SHANK1: variants seen among roughly 807,000 people sequenced by gnomAD.
SHANK1 encodes SH3 and multiple ankyrin repeat domains 1.
In SHANK1, 35 loss-of-function variants were observed where a neutral mutation model predicts 165.6. The observed-to-expected ratio is 0.21, with a 90% confidence interval of 0.16 to 0.28. SHANK1 has a LOEUF of 0.28. Among genes scored for constraint, SHANK1 ranks in the 10% least tolerant of loss-of-function variants. SHANK1 has a pLI of 1.00. For synonymous variants in SHANK1, 1,428 were observed against 1,384.8 expected, an observed-to-expected ratio of 1.03 and a Z score of -0.69; for missense variants, 2,681 against 3,036.4, an observed-to-expected ratio of 0.88 and a Z score of 2.75.
chr19:50,676,170 G>C (rs922903395), intron 21 of SHANK1, among the ~76,000 whole-genome samples: 1 of 151,608 alleles, frequency 6.6e-6, no homozygotes, highest in African/African-American at 2.4e-5. Flanking sequence ...GTGCATGGTG[G>C]CATGTGCCTG....
Position 50,661,935 on chromosome 19 carries a change from T to C in SHANK1, c.*30A>G, listed in dbSNP as rs746727158. 4.3e-6 allele frequency: 7 copies of C among 1,611,922 alleles called. No homozygotes were observed. Among genetic ancestry groups the C allele is most frequent in the South Asian group, 2.2e-5 (2 of 90,994 alleles). ...GAGGCCAGCAGGCTCAAGAGTTCTG[T>C]GGACGGGGCTGGTCCGTCCAGGCCA... On this transcript the variant is annotated 3_prime_UTR_variant, in exon 24 of 24. Coordinates refer to ENST00000293441, the MANE Select transcript of SHANK1 (RefSeq NM_016148.5).
chr19:50,697,550 G>T lies in SHANK1; in HGVS notation c.1937+39C>A. 1 of 1,456,056 alleles carries T rather than the reference G, an allele frequency of 6.9e-7. No individual in the cohort carries two copies. Among genetic ancestry groups the T allele is most frequent in the Non-Finnish European group, 9.7e-7 (1 of 1,036,066 alleles). The allele number at this position is 1,456,056 out of a possible 1,614,324, so 90.2% of individuals were successfully genotyped here. ...AAGGTGTACATTGTGAAGGGAACTTGGGGTGAGGGGGGTTGCCCGAGGGTG... is the reference window on the plus strand; with the variant it reads ...AAGGTGTACATTGTGAAGGGAACTTTGGGTGAGGGGGGTTGCCCGAGGGTG... On this transcript the variant is annotated intron_variant, in intron 14 of 23. Transcript: ENST00000293441. The surrounding 1 kb of genome is among the most constrained non-coding windows in gnomAD (Gnocchi z 4.7).
rs1445814405 is a variant in SHANK1, at chr19:50,716,225, G to A, written c.459+50C>T. On this transcript the variant is annotated intron_variant, in intron 3 of 23. Transcript: ENST00000293441. This position sits in a 1 kb window ranked among gnomAD's most constrained non-coding sequence, Gnocchi z 8.4. Reference sequence around the variant, plus strand: ...TAAAAAGTGGGTGGGGGGCAGATGTGTTTTAGGGCATGCCTTCTCTTATCA... The same window carrying A: ...TAAAAAGTGGGTGGGGGGCAGATGTATTTTAGGGCATGCCTTCTCTTATCA... The A allele has an allele frequency of 1.3e-6, 2 of 1,573,694 alleles. No homozygotes were observed. Among genetic ancestry groups the A allele is most frequent in the Admixed American group, 1.7e-5 (1 of 59,822 alleles).
In SHANK1 at chr19:50,667,381, C is replaced by T; in HGVS notation, c.4579G>A (p.Val1527Met). 1.3e-6 allele frequency: 2 copies of T among 1,530,102 alleles called. No homozygotes were observed. Among genetic ancestry groups the T allele is most frequent in the South Asian group, 2.5e-5 (2 of 79,564 alleles). The allele number at this position is 1,530,102 out of a possible 1,614,324, so 94.8% of individuals were successfully genotyped here. ...GVPPPSPRRS[V>M]PPSPTSPRAS... is the part of the protein sequence containing the mutation. ...CTCGGGGAGGTCGGGGAGGGGGGCA[C>T]GGACCGGCGTGGGCTGGGCGGCGGG... Residue 1527 changes from valine (V) to methionine (M), a missense_variant, in exon 23 of 24, where the codon GTG (valine) becomes ATG (methionine). Coordinates refer to ENST00000293441, the MANE Select transcript of SHANK1 (RefSeq NM_016148.5). This position sits in a 1 kb window ranked among gnomAD's most constrained non-coding sequence, Gnocchi z 5.7.
At chr19:50,669,350 C>T in intron 22 of SHANK1, 65 bp from the exon 23 acceptor site, 1 of 1,087,932 alleles carries the variant, frequency 9.2e-7, no homozygotes, top group Non-Finnish European at 1.4e-6. Flanking sequence ...CTCCACTATC[C>T]CATAGAACCG....
At chr19:50,695,266 CGGGGCGCGGGGTCGG>C (rs1279161613) in intron 15 of SHANK1, among the ~76,000 whole-genome samples, 1 of 143,192 alleles carries the variant, frequency 7.0e-6, no homozygotes, top group Non-Finnish European at 1.5e-5. Flanking sequence ...CGCGGGGGCG[CGGGGCGCGGGGTCGG>C]GCCGCGGCGG....
chr19:50,697,764 C>T lies in SHANK1; in HGVS notation c.1861+79G>A, dbSNP rs1986787721. The T allele has an allele frequency of 5.3e-6, 8 of 1,511,000 alleles. No homozygotes were observed. The highest frequency in any genetic ancestry group is 6.4e-6 in the Non-Finnish European group (7 of 1,088,148). The allele number at this position is 1,511,000 out of a possible 1,614,324, so 93.6% of individuals were successfully genotyped here. A position where few individuals can be genotyped will look rare whatever the true frequency, so the allele number is the denominator to read the frequency against. ...AGTCTTCCCATCTACCTCCCAGTAC[C>T]CCACCCCCATTAGGAAGGGAAAGGA... On this transcript the variant is annotated intron_variant, in intron 13 of 23. Coordinates refer to ENST00000293441, the MANE Select transcript of SHANK1 (RefSeq NM_016148.5). This position sits in a 1 kb window ranked among gnomAD's most constrained non-coding sequence, Gnocchi z 4.7.
intron 23 of SHANK1, among the ~76,000 whole-genome samples, chr19:50,664,053 C>T (rs1181311023): frequency 3.3e-5 from 5 of 151,164 alleles, no homozygotes; most frequent in Non-Finnish European, 5.9e-5. Flanking sequence ...GATCCACCCA[C>T]CTCAGCCTCC....
intron 19 of SHANK1, chr19:50,687,187 A>AC (rs1986376471): frequency 2.1e-6 from 1 of 475,460 alleles, no homozygotes; most frequent in Non-Finnish European, 3.7e-6. Flanking sequence ...GGGAAATGGG[A>AC]CCCCCAGGTC....
At position 50,667,563 on chromosome 19, in the gene SHANK1, G is replaced by A. The variant is rs1399855263; in HGVS notation, c.4397C>T (p.Pro1466Leu). The change falls in exon 23 of 24, where the codon CCC (proline) becomes CTC (leucine). Residue 1466 changes from proline (P) to leucine (L), a missense_variant. By Grantham distance (98) the Pro-to-Leu change is moderately conservative. Coordinates refer to ENST00000293441, the MANE Select transcript of SHANK1 (RefSeq NM_016148.5). The surrounding 1 kb of genome is among the most constrained non-coding windows in gnomAD (Gnocchi z 5.7). ...GCTTACTCCGGGGTGCGGGGCCGGG[G>A]GCTCCGTCCCCAGCTGCAGCAGGAG... Reference protein sequence around the residue: ...GPLLLQLGTEPPAPHPGVSKP... With the variant: ...GPLLLQLGTELPAPHPGVSKP... The A allele has an allele frequency of 7.5e-6, 11 of 1,457,388 alleles. No homozygotes were observed. The highest frequency in any genetic ancestry group is 1.4e-5 in the South Asian group (1 of 69,736). 90.3% of individuals were successfully genotyped at this position (1,457,388 alleles called of 1,614,324 possible).
At chr19:50,714,843 A>T (rs908344546) in intron 4 of SHANK1, among the ~76,000 whole-genome samples, 1 of 152,090 alleles carries the variant, frequency 6.6e-6, no homozygotes, top group Admixed American at 6.6e-5. Context: ...AGGTTATTTA[A>T]CTTTTTTTTG....
chr19:50,666,874 T>C lies in SHANK1; in HGVS notation c.5086A>G (p.Thr1696Ala). 6.3e-7 allele frequency: 1 copy of C among 1,579,592 alleles called. No individual in the cohort carries two copies. Residue 1696 changes from threonine (T) to alanine (A), a missense_variant, in exon 23 of 24, where the codon ACG becomes GCG. Transcript: ENST00000293441. ...HPLETISSAS[T>A]LSSLSAEGGG... ...CCTTCGGCAGATAGGCTGCTCAGCG[T>C]GGAGGCGCTGCTGATGGTCTCCAGT...
rs1470271207 is a variant in SHANK1, at chr19:50,713,095, G to A, written c.792+703C>T. Reference sequence around the variant, plus strand: ...GGGCTCTTCAGGAAAGCATCTGAGGGAGAGAAGGGAGGGGCCGTTTAGCTG... The same window carrying A: ...GGGCTCTTCAGGAAAGCATCTGAGGAAGAGAAGGGAGGGGCCGTTTAGCTG... On this transcript the variant is annotated intron_variant, in intron 6 of 23. Transcript: ENST00000293441. This position sits in a 1 kb window ranked among gnomAD's most constrained non-coding sequence, Gnocchi z 6.2. 1.3e-5 allele frequency among the ~76,000 whole-genome samples: 2 copies of A among 152,274 alleles called. No individual in the cohort carries two copies. The highest frequency in any genetic ancestry group is 3.4e-3 in the Middle Eastern group (1 of 294).
In SHANK1 at chr19:50,667,160, G is replaced by A; in HGVS notation, c.4800C>T (p.Thr1600=). Residue 1600 remains threonine, a synonymous_variant, in exon 23 of 24, where the codon ACC becomes ACT. Transcript: ENST00000293441. This position sits in a 1 kb window ranked among gnomAD's most constrained non-coding sequence, Gnocchi z 5.7. ...CCGGGGGTGGCACAGGGGGTAACGG[G>A]GTGGCAGGGGCAGGTGTGTCGGGCA... The part of the protein sequence containing the change: ...HPLPDTPAPA[T]PLPPVPPPAV... The A allele has an allele frequency of 6.4e-7, 1 of 1,558,878 alleles. No individual in the cohort carries two copies. Among genetic ancestry groups the A allele is most frequent in the Non-Finnish European group, 8.6e-7 (1 of 1,158,874 alleles).
chr19:50,703,872 GA>G, intron 10 of SHANK1, 42 bp from the exon 11 acceptor site: 1 of 908,170 alleles, frequency 1.1e-6, no homozygotes, highest in Non-Finnish European at 1.6e-6. Flanking sequence ...TGTTAGGGGA[GA>G]AAAGGCAAGC....
intron 21 of SHANK1, among the ~76,000 whole-genome samples, chr19:50,681,035 AC>A (rs1010083356): frequency 1.3e-5 from 2 of 151,370 alleles, no homozygotes; most frequent in African/African-American, 2.4e-5. Context: ...GGGGTACTGC[AC>A]CCCCCACCCC....
rs148526987 is a variant in SHANK1, at chr19:50,702,575, G to A, written c.1639C>T (p.Arg547Trp). 39 of 1,609,644 alleles carry A rather than the reference G, an allele frequency of 2.4e-5. No individual in the cohort carries two copies. Among genetic ancestry groups the A allele is most frequent in the South Asian group, 2.2e-5 (2 of 90,576 alleles). The stretch of plus-strand genomic sequence containing the variant: ...GGTACCGCTGAGTAGAGCTTCCTCC[G>A]CCTCCCGCGGCTGCCCAGGGAGCCC... ...PGGSLGSRGR[R>W]RKLYSAVPGR... Residue 547 changes from arginine to tryptophan, a missense_variant, in exon 12 of 24, where the codon CGG becomes TGG. Physicochemically the swap from Arg to Trp is moderately radical, Grantham distance 101 (BLOSUM62 -3). This residue lies in a region of SHANK1 where 195 missense variants were observed against 186.2 expected (regional missense o/e 1.05). Transcript: ENST00000293441. The surrounding 1 kb of genome is among the most constrained non-coding windows in gnomAD (Gnocchi z 5.3).
At position 50,662,180 on chromosome 19, in the gene SHANK1, C is replaced by T. The variant is rs148157051; in HGVS notation, c.6271G>A (p.Gly2091Ser). Residue 2091 changes from glycine (G) to serine (S), a missense_variant, in exon 24 of 24, where the codon GGC becomes AGC. By Grantham distance (56) the Gly-to-Ser change is moderately conservative (BLOSUM62 0). Coordinates refer to ENST00000293441, the MANE Select transcript of SHANK1 (RefSeq NM_016148.5). The surrounding 1 kb of genome is among the most constrained non-coding windows in gnomAD (Gnocchi z 7.7). ...LLSLPPDKPF[G>S]AKPLGFWTKF... ...GTCCAGAACCCCAGAGGTTTAGCGCCAAACGGCTTGTCCGGGGGCAGCGAG... is the reference window on the plus strand; with the variant it reads ...GTCCAGAACCCCAGAGGTTTAGCGCTAAACGGCTTGTCCGGGGGCAGCGAG... 6.2e-7 allele frequency: 1 copy of T among 1,610,602 alleles called. No homozygotes were observed. Among genetic ancestry groups the T allele is most frequent in the Non-Finnish European group, 8.5e-7 (1 of 1,177,260 alleles).
At position 50,688,461 on chromosome 19, in the gene SHANK1, G is replaced by A. The variant is rs1170452316; in HGVS notation, c.2172+383C>T. Among the ~76,000 whole-genome samples, 1 of 152,140 alleles carries A rather than the reference G, an allele frequency of 6.6e-6. No homozygotes were observed. The highest frequency in any genetic ancestry group is 2.4e-5 in the African/African-American group (1 of 41,420). On this transcript the variant is annotated intron_variant, in intron 17 of 23. Transcript: ENST00000293441. This position sits in a 1 kb window ranked among gnomAD's most constrained non-coding sequence, Gnocchi z 6.7. ...AGCCTCCAGAATAGCTGGGACCTCA[G>A]GCACACAGCACCGGCTAATTTTTTT...
Sources: allele counts gnomAD v4.1 joint callset (sites outside exome capture counted in the v4.1 genomes callset), GRCh38; gene constraint gnomAD v4.1.1; regional missense constraint gnomAD v4.1.1; non-coding constraint Gnocchi (gnomAD v3.1); transcripts MANE v1.5; gene names NCBI Gene and HGNC (gene_info 2026-07-23, HGNC 2026-07-21).